CD226: variants seen among roughly 807,000 people sequenced by gnomAD.
CD226 encodes CD226 antigen.
In CD226, 24 loss-of-function variants were observed where a neutral mutation model predicts 34.9. The observed-to-expected ratio is 0.69, with a 90% CI of 0.50 to 0.97. The LOEUF (loss-of-function observed/expected upper bound fraction) is 0.97. Among genes scored for constraint, CD226 ranks in the 50% least tolerant of loss-of-function variants. The pLI is 0.00. For missense variants in CD226, 397 were observed against 412.7 expected, an observed-to-expected ratio of 0.96 and a Z score of 0.33; for synonymous variants, 148 against 147.4, an observed-to-expected ratio of 1.00 and a Z score of -0.03.
At chr18:69,888,153 A>C (rs939167327) in intron 3 of CD226, among the ~76,000 whole-genome samples, 2 of 152,216 alleles carry the variant, frequency 1.3e-5, no homozygotes, top group African/African-American at 4.8e-5. Flanking sequence ...TTAAGAATGA[A>C]ATGCTATTAA....
At chr18:69,955,230 T>G (rs1271153335) in intron 1 of CD226, among the ~76,000 whole-genome samples, 1 of 152,158 alleles carries the variant, frequency 6.6e-6, no homozygotes, top group Non-Finnish European at 1.5e-5. Flanking sequence ...CTACCTACAA[T>G]ATGTCCTGCT....
At chr18:69,869,650 C>T (rs914323127) in intron 4 of CD226, among the ~76,000 whole-genome samples, 8 of 151,850 alleles carry the variant, frequency 5.3e-5, no homozygotes, top group African/African-American at 1.5e-4. Flanking sequence ...GCACATGTAT[C>T]CCTGAACTTA....
intron 3 of CD226, among the ~76,000 whole-genome samples, chr18:69,889,794 T>C (rs1984779923): frequency 6.6e-6 from 1 of 152,144 alleles, no homozygotes; most frequent in South Asian, 2.1e-4. Flanking sequence ...ATCCTATACC[T>C]CACATCGTCC....
upstream of CD226, among the ~76,000 whole-genome samples, chr18:69,949,612 C>T (rs1462086794): frequency 6.6e-6 from 1 of 152,104 alleles, no homozygotes; most frequent in Non-Finnish European, 1.5e-5. Flanking sequence ...TACATGCACA[C>T]ACTGACACAC....
Position 69,901,355 on chromosome 18 carries a change from A to C in CD226, c.383-5310T>G, listed in dbSNP as rs146947497. On this transcript the variant is annotated intron_variant, in intron 2 of 5. Transcript: ENST00000582621. ...TGATGGTATCATGTTTATGTTAAAA[A>C]GAAAACTCATCTTTTGAGATTCAGG... is the stretch of plus-strand genomic sequence containing the variant. Among the ~76,000 whole-genome samples the C allele has an allele frequency of 4.1e-4, 63 of 152,342 alleles. No individual in the cohort carries two copies. In the East Asian group the frequency reaches 0.011, roughly 27 times the overall value.
chr18:69,892,108 G>T (rs1238719451), intron 3 of CD226, among the ~76,000 whole-genome samples: 1 of 152,142 alleles, frequency 6.6e-6, no homozygotes, highest in African/African-American at 2.4e-5. Context: ...TGATGGTCCC[G>T]CCTGAGTGGT....
At position 69,854,210 on chromosome 18, in the gene CD226, C is replaced by A. The variant is rs1982550533; in HGVS notation, c.*10104G>T. ...TTTCTTATTAGACCTATTAGAGAAC[C>A]AAGGTCCTGAGCAAACTGCCACCCC... On this transcript the variant is annotated 3_prime_UTR_variant, in exon 6 of 6. Coordinates refer to ENST00000582621, the MANE Select transcript of CD226 (RefSeq NM_001303618.2). 1 of 152,154 alleles carries A rather than the reference C, an allele frequency of 6.6e-6. No individual in the cohort carries two copies. The highest frequency in any genetic ancestry group is 2.4e-5 in the African/African-American group (1 of 41,428). 9.4% of individuals were successfully genotyped at this position (152,154 alleles called of 1,614,324 possible). A position where few individuals can be genotyped will look rare whatever the true frequency, so the allele number is the denominator to read the frequency against.
At chr18:69,930,584 C>A (rs1180270270) in intron 2 of CD226, among the ~76,000 whole-genome samples, 2 of 152,156 alleles carry the variant, frequency 1.3e-5, no homozygotes, top group South Asian at 4.1e-4. Context: ...GGTGTCAAAA[C>A]CCAGGACCTA....
intron 1 of CD226, among the ~76,000 whole-genome samples, chr18:69,955,644 A>G (rs1396118452): frequency 6.6e-6 from 1 of 152,102 alleles, no homozygotes; most frequent in Non-Finnish European, 1.5e-5. Context: ...CGGGCGGATC[A>G]TGAGGTCAGG....
chr18:69,956,784 G>A (rs993338409), exon 1 of CD226: 2 of 152,212 alleles, frequency 1.3e-5, no homozygotes, highest in East Asian at 1.9e-4. Context: ...TCGCTCTAAC[G>A]CTTCTTCCCA....
chr18:69,929,493 T>C (rs2055563706), intron 2 of CD226, among the ~76,000 whole-genome samples: 2 of 152,070 alleles, frequency 1.3e-5, no homozygotes, highest in Admixed American at 6.6e-5. Context: ...AATGTGAGGG[T>C]TAAATGAAAT....
chr18:69,950,877 A>C (rs535720075), upstream of CD226, among the ~76,000 whole-genome samples: 1 of 152,204 alleles, frequency 6.6e-6, no homozygotes, highest in East Asian at 1.9e-4. Context: ...CCTCACTCCT[A>C]GCAGTACTGT....
intron 1 of CD226, 106 bp from the exon 2 acceptor site, chr18:69,947,175 G>T: frequency 9.6e-7 from 1 of 1,036,954 alleles, no homozygotes; most frequent in Non-Finnish European, 1.4e-6. Flanking sequence ...AGTAAAGGCT[G>T]ACAGTTTCTG....
At chr18:69,923,213 G>C (rs1330875951) in intron 2 of CD226, among the ~76,000 whole-genome samples, 1 of 149,250 alleles carries the variant, frequency 6.7e-6, no homozygotes, top group Non-Finnish European at 1.5e-5. Flanking sequence ...GAAGGAAAGG[G>C]AGAAAGAAAG....
intron 1 of CD226, 23 bp downstream of exon 1, chr18:69,947,338 G>GA (rs1311943023): frequency 6.8e-7 from 1 of 1,469,418 alleles, no homozygotes; most frequent in Admixed American, 2.1e-5. Flanking sequence ...ACTTTTAAAT[G>GA]AAAATATAAA....
At chr18:69,920,180 C>T (rs184179977) in intron 2 of CD226, among the ~76,000 whole-genome samples, 10 of 152,238 alleles carry the variant, frequency 6.6e-5, no homozygotes, top group Middle Eastern at 3.4e-3. Flanking sequence ...TCACTCTCTA[C>T]ACAGGCTCAA....
chr18:69,949,584 C>A (rs1348449585), upstream of CD226, among the ~76,000 whole-genome samples: 1 of 152,054 alleles, frequency 6.6e-6, no homozygotes, highest in Admixed American at 6.5e-5. Flanking sequence ...TCCCTTCACA[C>A]ACACACACAC....
At chr18:69,882,864 C>T (rs980540958) in intron 3 of CD226, among the ~76,000 whole-genome samples, 1 of 152,116 alleles carries the variant, frequency 6.6e-6, no homozygotes, top group Non-Finnish European at 1.5e-5. Context: ...GACAAGATCT[C>T]GCTATGTTGC....
intron 5 of CD226, 21 bp from the exon 6 acceptor site, chr18:69,864,460 GAGTGT>G (rs747383771): frequency 6.2e-7 from 1 of 1,609,980 alleles, no homozygotes; most frequent in Non-Finnish European, 8.5e-7. Context: ...AAACAGCAGA[GAGTGT>G]CAATAATTCA....
Sources: allele counts gnomAD v4.1 joint callset (sites outside exome capture counted in the v4.1 genomes callset), GRCh38; gene constraint gnomAD v4.1.1; transcripts MANE v1.5; gene names NCBI Gene and HGNC (gene_info 2026-07-23, HGNC 2026-07-21).